Variants in PTPRD observed in about 807,000 individuals in gnomAD.
The protein encoded by PTPRD is protein tyrosine phosphatase receptor type D, also known as receptor-type tyrosine-protein phosphatase delta.
In PTPRD, 34 loss-of-function variants were observed where a neutral mutation model predicts 214.5. The ratio of observed to expected loss-of-function variants is 0.16; its 90% CI spans 0.12 to 0.21. The LOEUF is 0.21. Among genes scored for constraint, PTPRD ranks in the 10% least tolerant of loss-of-function variants. The pLI, the probability that PTPRD is intolerant of heterozygous loss-of-function variation, is 1.00. For synonymous variants in PTPRD, 1,128 were observed against 845.7 expected (o/e 1.33, Z -5.79); for missense variants, 2,545 against 2,398.7 (o/e 1.06, Z -1.27).
intron 35 of PTPRD, among the ~76,000 whole-genome samples, chr9:8,435,317 G>A (rs2095298453): frequency 6.6e-6 from 1 of 152,064 alleles, no homozygotes; most frequent in Non-Finnish European, 1.5e-5. Context: ...TGAGGTTGGG[G>A]GTCCTCTTAG....
At chr9:9,465,446 T>G (rs939673898) in intron 8 of PTPRD, among the ~76,000 whole-genome samples, 16 of 152,098 alleles carry the variant, frequency 1.1e-4, no homozygotes, top group Non-Finnish European at 2.1e-4. Context: ...GTCAGAGGAG[T>G]CCATTACTCA....
intron 8 of PTPRD, among the ~76,000 whole-genome samples, chr9:9,433,130 C>T (rs927544611): frequency 1.3e-5 from 2 of 152,096 alleles, no homozygotes; most frequent in African/African-American, 4.8e-5. Flanking sequence ...AAGAAAGTGG[C>T]AGAGAACCTT....
intron 10 of PTPRD, among the ~76,000 whole-genome samples, chr9:9,164,232 A>G (rs4742566): frequency 0.029 from 4,400 of 152,232 alleles, 92 homozygotes; most frequent in Middle Eastern, 0.051. Flanking sequence ...TATCTTTTAC[A>G]GCTTTTAGAG....
chr9:8,829,535 C>T (rs1367453853), intron 11 of PTPRD, among the ~76,000 whole-genome samples: 1 of 152,082 alleles, frequency 6.6e-6, no homozygotes, highest in African/African-American at 2.4e-5. Context: ...TATTATAATC[C>T]TATGGAAATC....
intron 3 of PTPRD, among the ~76,000 whole-genome samples, chr9:10,241,292 G>C (rs1261361138): frequency 6.6e-6 from 1 of 151,874 alleles, no homozygotes; most frequent in Non-Finnish European, 1.5e-5. Flanking sequence ...TATTTCAACA[G>C]TTTTACAAAA....
At chr9:8,375,718 T>C (rs796081867) in intron 39 of PTPRD, among the ~76,000 whole-genome samples, 5 of 152,176 alleles carry the variant, frequency 3.3e-5, no homozygotes, top group African/African-American at 1.2e-4. Context: ...GAAAAGACAA[T>C]AGCAGTGGAC....
intron 11 of PTPRD, among the ~76,000 whole-genome samples, chr9:8,760,229 G>C (rs1429188322): frequency 6.6e-6 from 1 of 152,026 alleles, no homozygotes; most frequent in African/African-American, 2.4e-5. Flanking sequence ...AAAGGAAGAA[G>C]CTTAGTCAGA....
At chr9:9,131,646 T>C (rs892646326) in intron 10 of PTPRD, among the ~76,000 whole-genome samples, 1 of 152,164 alleles carries the variant, frequency 6.6e-6, no homozygotes, top group Non-Finnish European at 1.5e-5. Flanking sequence ...TGGAAAAGCA[T>C]GTAATGCTAT....
intron 11 of PTPRD, chr9:8,963,180 A>G (rs1361836892): frequency 6.6e-6 from 1 of 152,186 alleles, no homozygotes; most frequent in Non-Finnish European, 1.5e-5. Flanking sequence ...AGTATAAAAA[A>G]GGAAAACTGA....
At chr9:8,990,517 C>T (rs1022763173) in intron 11 of PTPRD, among the ~76,000 whole-genome samples, 1 of 152,150 alleles carries the variant, frequency 6.6e-6, no homozygotes, top group Non-Finnish European at 1.5e-5. Context: ...CTCTCTGACC[C>T]TCCCCTGCCC....
intron 2 of PTPRD, among the ~76,000 whole-genome samples, chr9:10,358,188 A>G (rs1196663928): frequency 1.3e-5 from 2 of 152,068 alleles, no homozygotes; most frequent in African/African-American, 4.8e-5. Context: ...GAAAAATAGC[A>G]TGGTGAGATA....
intron 10 of PTPRD, among the ~76,000 whole-genome samples, chr9:9,032,872 T>C (rs172862): frequency 0.45 from 68,576 of 151,906 alleles, 15,657 homozygotes; most frequent in African/African-American, 0.47. Context: ...TTTGTACAAA[T>C]ATCTTGGCGT....
intron 26 of PTPRD, 54 bp from the exon 27 acceptor site, chr9:8,493,033 G>T: frequency 6.9e-7 from 1 of 1,458,178 alleles, no homozygotes; most frequent in South Asian, 1.2e-5. Context: ...TAATGCTCTG[G>T]GGGAAAAACA....
At chr9:9,507,282 A>C (rs1170167509) in intron 8 of PTPRD, among the ~76,000 whole-genome samples, 1 of 151,198 alleles carries the variant, frequency 6.6e-6, no homozygotes, top group Non-Finnish European at 1.5e-5. Flanking sequence ...AAACACACAA[A>C]ATTGCAGAAA....
At chr9:10,585,237 A>T in intron 2 of PTPRD, among the ~76,000 whole-genome samples, 1 of 152,028 alleles carries the variant, frequency 6.6e-6, no homozygotes, top group East Asian at 1.9e-4. Flanking sequence ...TCTTATTTTC[A>T]TAATATTGAA....
chr9:8,356,796 C>A (rs1032778930), intron 39 of PTPRD, among the ~76,000 whole-genome samples: 2 of 151,990 alleles, frequency 1.3e-5, no homozygotes, highest in African/African-American at 2.4e-5. Context: ...AAAAAATAAC[C>A]AATTAACTAA....
At chr9:8,741,997 T>A (rs1322427462) in intron 11 of PTPRD, among the ~76,000 whole-genome samples, 3 of 152,192 alleles carry the variant, frequency 2.0e-5, no homozygotes, top group Non-Finnish European at 2.9e-5. Context: ...GACATTTTCA[T>A]GCTAGGAGTA....
At chr9:10,191,723 C>T (rs1342225802) in intron 3 of PTPRD, among the ~76,000 whole-genome samples, 1 of 152,028 alleles carries the variant, frequency 6.6e-6, no homozygotes, top group Non-Finnish European at 1.5e-5. Flanking sequence ...CTATGATTTC[C>T]CCAGGCTCTC....
At chr9:9,228,099 T>C (rs2099960711) in intron 9 of PTPRD, among the ~76,000 whole-genome samples, 1 of 152,286 alleles carries the variant, frequency 6.6e-6, no homozygotes, top group East Asian at 1.9e-4. Flanking sequence ...TACAATAAAA[T>C]GTACAAATAT....
Sources: allele counts gnomAD v4.1 joint callset (sites outside exome capture counted in the v4.1 genomes callset), GRCh38; gene constraint gnomAD v4.1.1; transcripts MANE v1.5; gene names NCBI Gene and HGNC (gene_info 2026-07-23, HGNC 2026-07-21).